The following RNF169 variants were observed in gnomAD, a reference collection of about 807,000 sequenced individuals.
RNF169 encodes the protein ring finger protein 169, also known as E3 ubiquitin-protein ligase RNF169.
In RNF169, 24 loss-of-function variants were observed where a neutral mutation model predicts 53.9. The ratio of observed to expected loss-of-function variants is 0.45; its 90% CI spans 0.32 to 0.63. The LOEUF (loss-of-function observed/expected upper bound fraction) is 0.63. Among genes scored for constraint, RNF169 ranks in the 20% least tolerant of loss-of-function variants. The pLI, the probability that RNF169 is intolerant of heterozygous loss-of-function variation, is 0.04. For missense variants in RNF169, 883 were observed against 906.2 expected (o/e 0.97, Z 0.33); for synonymous variants, 396 against 363.5 (o/e 1.09, Z -1.02).
At chr11:74,798,417 G>A (rs533494307) in intron 2 of RNF169, among the ~76,000 whole-genome samples, 23 of 152,244 alleles carry the variant, frequency 1.5e-4, no homozygotes, top group African/African-American at 4.8e-4. Flanking sequence ...CTCCCATAGC[G>A]CTCCCAGGCT....
intron 1 of RNF169, among the ~76,000 whole-genome samples, chr11:74,774,360 CA>C (rs1565173824): frequency 6.6e-6 from 1 of 150,444 alleles, no homozygotes; most frequent in East Asian, 1.9e-4. Context: ...AAAAAAAACC[CA>C]AAAAAACAAG....
chr11:74,785,040 AC>A (rs2035468089), intron 1 of RNF169, among the ~76,000 whole-genome samples: 1 of 151,284 alleles, frequency 6.6e-6, no homozygotes, highest in Non-Finnish European at 1.5e-5. Context: ...ATTGGTTACT[AC>A]TACTGTTACT....
chr11:74,790,085 C>G (rs1267545202), intron 2 of RNF169, among the ~76,000 whole-genome samples: 1 of 152,182 alleles, frequency 6.6e-6, no homozygotes, highest in Non-Finnish European at 1.5e-5. Context: ...ATTGCTCACT[C>G]CATTAAATAC....
At chr11:74,833,192 A>G (rs1314824231) in intron 4 of RNF169, among the ~76,000 whole-genome samples, 1 of 152,192 alleles carries the variant, frequency 6.6e-6, no homozygotes. Flanking sequence ...TGGGTAGGAC[A>G]TGCTACCCCC....
chr11:74,835,030 T>G (rs1293766117), intron 5 of RNF169, among the ~76,000 whole-genome samples: 1 of 152,166 alleles, frequency 6.6e-6, no homozygotes, highest in Non-Finnish European at 1.5e-5. Context: ...TTACCTAGGC[T>G]GGTGTGCAGT....
chr11:74,831,383 A>G (rs921653531), intron 4 of RNF169: 3 of 152,232 alleles, frequency 2.0e-5, no homozygotes, highest in African/African-American at 7.2e-5. Context: ...TATGAAAACA[A>G]TTCAGTTTAC....
intron 4 of RNF169, among the ~76,000 whole-genome samples, chr11:74,826,368 T>C (rs1047655475): frequency 6.6e-6 from 1 of 152,026 alleles, no homozygotes. Flanking sequence ...TCATGAGAAC[T>C]CACTATCACG....
At chr11:74,789,750 C>G in intron 2 of RNF169, 51 bp downstream of exon 2, 1 of 1,217,902 alleles carries the variant, frequency 8.2e-7, no homozygotes, top group Non-Finnish European at 1.2e-6. Flanking sequence ...GAAATAATGA[C>G]ATTAAAGAAT....
Position 74,759,609 on chromosome 11 carries a change from C to T in RNF169, c.502+10227C>T, listed in dbSNP as rs1483724976. ...TTGGCTCTGTTTATATGCTGGATTA[C>T]ATTTATTGATTTGCGGATATTGAAC... On this transcript the variant is annotated intron_variant, in intron 1 of 5. Transcript: ENST00000299563. Among the ~76,000 whole-genome samples the T allele has an allele frequency of 1.0e-3, 147 of 146,012 alleles. 3 individuals carry two copies. The South Asian group carries it at 0.032, about 32-fold the overall frequency.
At chr11:74,832,676 CT>C (rs908605856) in intron 4 of RNF169, among the ~76,000 whole-genome samples, 1 of 152,138 alleles carries the variant, frequency 6.6e-6, no homozygotes, top group African/African-American at 2.4e-5. Context: ...ATCAGAAAAT[CT>C]TTTCCTCTTG....
At chr11:74,755,295 A>G (rs994045139) in intron 1 of RNF169, among the ~76,000 whole-genome samples, 7 of 152,236 alleles carry the variant, frequency 4.6e-5, no homozygotes, top group Admixed American at 1.3e-4. Context: ...GCTCCAATGT[A>G]TGAATTCAGA....
chr11:74,838,502 CAG>C lies in RNF169; in HGVS notation c.*1774_*1775del, dbSNP rs1033043884. On this transcript the variant is annotated 3_prime_UTR_variant, in exon 6 of 6. Coordinates refer to ENST00000299563, the MANE Select transcript of RNF169 (RefSeq NM_001098638.2). ...TCATAGTTCCCAAACAGTTCCCAAACAGAAATTCCAGAGATGTCTTAAACATT... is the reference window on the plus strand; with the variant it reads ...TCATAGTTCCCAAACAGTTCCCAAACAAATTCCAGAGATGTCTTAAACATT... The C allele has an allele frequency of 2.0e-5, 3 of 152,184 alleles. No homozygotes were observed. Among genetic ancestry groups the C allele is most frequent in the Non-Finnish European group, 4.4e-5 (3 of 68,042 alleles). 9.4% of individuals were successfully genotyped at this position (152,184 alleles called of 1,614,324 possible).
chr11:74,835,884 T>C lies in RNF169; in HGVS notation c.1281T>C (p.Ser427=). 2 of 1,614,138 alleles carry C rather than the reference T, an allele frequency of 1.2e-6. No homozygotes were observed. Among genetic ancestry groups the C allele is most frequent in the Non-Finnish European group, 1.7e-6 (2 of 1,180,028 alleles). ...SLQKQTSYEA[S]PRILKKWEQI... ...AGAAGCAGACTTCTTATGAGGCCAG[T>C]CCACGGATCCTCAAAAAGTGGGAAC... The change falls in exon 6 of 6, where the codon AGT becomes AGC. Residue 427 remains serine, a synonymous_variant. Coordinates refer to ENST00000299563, the MANE Select transcript of RNF169 (RefSeq NM_001098638.2).
Position 74,838,120 on chromosome 11 carries a change from C to G in RNF169, c.*1390C>G, listed in dbSNP as rs2036284538. 6.6e-6 allele frequency: 1 copy of G among 152,154 alleles called. No homozygotes were observed. Among genetic ancestry groups the G allele is most frequent in the Non-Finnish European group, 1.5e-5 (1 of 68,026 alleles). The allele number at this position is 152,154 out of a possible 1,614,324, so 9.4% of individuals were successfully genotyped here. On this transcript the variant is annotated 3_prime_UTR_variant, in exon 6 of 6. Transcript: ENST00000299563. ...TTGGTGAAAGCATTTCTGGAACTGT[C>G]TTCAAAGACTAGAAACACTGACTCC...
In RNF169 at chr11:74,749,871, G is replaced by A. The variant is rs1312945987; in HGVS notation, c.502+489G>A. On this transcript the variant is annotated intron_variant, in intron 1 of 5. Coordinates refer to ENST00000299563, the MANE Select transcript of RNF169 (RefSeq NM_001098638.2). ...GGAGCTTTTCAGACTCGAGAGCAGA[G>A]GGGGTTGGGAGCACACTTGTGCAGT... 4.6e-5 allele frequency among the ~76,000 whole-genome samples: 7 copies of A among 152,164 alleles called. No homozygotes were observed. The East Asian group carries it at 1.3e-3, about 29-fold the overall frequency.
rs369452645 is a variant in RNF169 at position 74,828,807 on chromosome 11, C to T, written c.843-5869C>T. On this transcript the variant is annotated intron_variant, in intron 4 of 5. Transcript: ENST00000299563. ...CCATATGCAGAAAACTGAAACTGGA[C>T]CCCTTCCTTACACCATATAAAAAAT... Among the ~76,000 whole-genome samples, 9 of 152,078 alleles carry T rather than the reference C, an allele frequency of 5.9e-5. No individual in the cohort carries two copies. In the East Asian group the frequency reaches 1.3e-3, roughly 23 times the overall value.
At chr11:74,825,535 G>C (rs2036082213) in intron 4 of RNF169, among the ~76,000 whole-genome samples, 1 of 152,098 alleles carries the variant, frequency 6.6e-6, no homozygotes, top group Admixed American at 6.5e-5. Flanking sequence ...AAAAAGCCCA[G>C]GACAAGACAT....
intron 1 of RNF169, among the ~76,000 whole-genome samples, chr11:74,780,442 A>G (rs2035400691): frequency 6.6e-6 from 1 of 152,178 alleles, no homozygotes; most frequent in African/African-American, 2.4e-5. Context: ...TTTGCCAGAA[A>G]TGGCTTTTTC....
rs1028363221 is a variant in RNF169 at position 74,839,839 on chromosome 11, T to A, written c.*3109T>A. 1.3e-5 allele frequency: 2 copies of A among 152,192 alleles called. No homozygotes were observed. The highest frequency in any genetic ancestry group is 4.8e-5 in the African/African-American group (2 of 41,460). The allele number at this position is 152,192 out of a possible 1,614,324, so 9.4% of individuals were successfully genotyped here. A position where few individuals can be genotyped will look rare whatever the true frequency, so the allele number is the denominator to read the frequency against. On this transcript the variant is annotated 3_prime_UTR_variant, in exon 6 of 6. Coordinates refer to ENST00000299563, the MANE Select transcript of RNF169 (RefSeq NM_001098638.2). ...TGGTATCAGATCAGGGGATTATGCA[T>A]CCAGCCCCTGGCCCCTTTAATCTAT...
Sources: allele counts gnomAD v4.1 joint callset (sites outside exome capture counted in the v4.1 genomes callset), GRCh38; gene constraint gnomAD v4.1.1; transcripts MANE v1.5; gene names NCBI Gene and HGNC (gene_info 2026-07-23, HGNC 2026-07-21).